COL14A1: variants seen among roughly 807,000 people sequenced by gnomAD.
COL14A1 encodes collagen type XIV alpha 1 chain.
Under a neutral mutation model 230.3 loss-of-function variants are expected in COL14A1, and 136 were observed. The ratio of observed to expected loss-of-function variants is 0.59; its 90% CI spans 0.51 to 0.68. COL14A1 has a LOEUF of 0.68. Among genes scored for constraint, COL14A1 ranks in the 30% least tolerant of loss-of-function variants. The probability of loss-of-function intolerance (pLI) is 0.00; values close to 1 mark genes in which losing one functional copy is unlikely to be tolerated. For synonymous variants in COL14A1, 792 were observed against 784.1 expected, an observed-to-expected ratio of 1.01 and a Z score of -0.17; for missense variants, 1,976 against 2,215.8, an observed-to-expected ratio of 0.89 and a Z score of 2.17.
intron 1 of COL14A1, among the ~76,000 whole-genome samples, chr8:120,134,014 AC>A (rs1422992871): frequency 6.6e-6 from 1 of 152,084 alleles, no homozygotes; most frequent in Non-Finnish European, 1.5e-5. Context: ...AGGAAATAAA[AC>A]ATATATGTAT....
chr8:120,164,901 A>G (rs1815811998), intron 4 of COL14A1, among the ~76,000 whole-genome samples: 1 of 152,252 alleles, frequency 6.6e-6, no homozygotes. Context: ...TATTTCAAAC[A>G]TTCCACTGAT....
At chr8:120,260,579 C>G (rs1013792333) in intron 23 of COL14A1, among the ~76,000 whole-genome samples, 1 of 152,170 alleles carries the variant, frequency 6.6e-6, no homozygotes, top group East Asian at 1.9e-4. Flanking sequence ...AGAAATAAAG[C>G]GTTATGAGGC....
At chr8:120,292,013 A>G (rs1820391032) in intron 34 of COL14A1, among the ~76,000 whole-genome samples, 3 of 152,148 alleles carry the variant, frequency 2.0e-5, no homozygotes, top group Admixed American at 6.6e-5. Context: ...TTCAAATTGT[A>G]TTATATCTTT....
At position 120,165,904 on chromosome 8, in the gene COL14A1, G is replaced by A. The variant is rs187940420; in HGVS notation, c.350-2257G>A. Among the ~76,000 whole-genome samples the A allele has an allele frequency of 3.9e-5, 6 of 152,274 alleles. No homozygotes were observed. In the East Asian group the frequency reaches 1.2e-3, roughly 29 times the overall value. On this transcript the variant is annotated intron_variant, in intron 4 of 47. Transcript: ENST00000297848. The stretch of plus-strand genomic sequence containing the variant: ...ACCCATAAGCCAAGGTCTTTAATGG[G>A]GTCCAGGGCATTATCCCTGGGTTTC...
chr8:120,343,054 G>T (rs372457055), intron 44 of COL14A1, among the ~76,000 whole-genome samples: 2 of 152,232 alleles, frequency 1.3e-5, no homozygotes, highest in South Asian at 4.1e-4. Context: ...TTGATATGAC[G>T]CCTGTCCCAT....
chr8:120,244,025 C>T lies in COL14A1; in HGVS notation c.2479+17C>T. On this transcript the variant is annotated intron_variant, in intron 20 of 47. Coordinates refer to ENST00000297848, the MANE Select transcript of COL14A1 (RefSeq NM_021110.4). ...GAAAAACCTGTAAGTGAAGCTTTCTCCCTTTGAATACAAGCCGACTCATTA... is the reference window on the plus strand; with the variant it reads ...GAAAAACCTGTAAGTGAAGCTTTCTTCCTTTGAATACAAGCCGACTCATTA... 1 of 1,607,874 alleles carries T rather than the reference C, an allele frequency of 6.2e-7. No individual in the cohort carries two copies.
intron 29 of COL14A1, 47 bp from the exon 30 acceptor site, chr8:120,280,664 G>A: frequency 6.3e-7 from 1 of 1,579,992 alleles, no homozygotes; most frequent in Non-Finnish European, 8.7e-7. Context: ...GAGTATGTTT[G>A]TGAAATATCC....
chr8:120,130,586 A>G (rs1401415458), intron 1 of COL14A1, among the ~76,000 whole-genome samples: 1 of 152,228 alleles, frequency 6.6e-6, no homozygotes, highest in Non-Finnish European at 1.5e-5. Flanking sequence ...AGCAAAATAA[A>G]GAAAGCCTAC....
chr8:120,365,553 A>G (rs987478518), intron 45 of COL14A1, among the ~76,000 whole-genome samples: 2 of 152,232 alleles, frequency 1.3e-5, no homozygotes, highest in Non-Finnish European at 2.9e-5. Flanking sequence ...ATTAGCTACT[A>G]AACTAATGCC....
chr8:120,236,744 A>C (rs1324548079), intron 19 of COL14A1, among the ~76,000 whole-genome samples: 1 of 152,144 alleles, frequency 6.6e-6, no homozygotes. Flanking sequence ...ATGTTTTTGC[A>C]GTGGCTGGTA....
rs1259038993 is a variant in COL14A1, at chr8:120,315,464, A to G, written c.4552-69A>G. The stretch of plus-strand genomic sequence containing the variant: ...TACTGTGGAAACTATTTAAATAATG[A>G]GAGAAGGAAAAGAAAACGCTAAGAA... On this transcript the variant is annotated intron_variant, in intron 38 of 47. Transcript: ENST00000297848. 2.5e-6 allele frequency: 3 copies of G among 1,212,752 alleles called. No homozygotes were observed. In the East Asian group the frequency reaches 7.1e-5, roughly 29 times the overall value. 75.1% of individuals were successfully genotyped at this position (1,212,752 alleles called of 1,614,324 possible). A position where few individuals can be genotyped will look rare whatever the true frequency, so the allele number is the denominator to read the frequency against.
intron 13 of COL14A1, among the ~76,000 whole-genome samples, chr8:120,213,010 G>C (rs1212563685): frequency 6.6e-6 from 1 of 152,096 alleles, no homozygotes; most frequent in Non-Finnish European, 1.5e-5. Flanking sequence ...AAATACAGTA[G>C]TATATGTGAA....
intron 2 of COL14A1, among the ~76,000 whole-genome samples, chr8:120,149,655 G>C (rs1299589064): frequency 2.0e-5 from 3 of 151,536 alleles, no homozygotes; most frequent in Non-Finnish European, 4.4e-5. Flanking sequence ...CTGTCTACCA[G>C]ATGAATATTG....
At chr8:120,260,216 TA>T (rs1363345906) in intron 23 of COL14A1, among the ~76,000 whole-genome samples, 2 of 152,132 alleles carry the variant, frequency 1.3e-5, no homozygotes, top group Admixed American at 1.3e-4. Context: ...TTTATATTTT[TA>T]AAAGTCTATA....
intron 47 of COL14A1, 181 bp from the exon 48 acceptor site, chr8:120,370,971 C>T (rs1012118577): frequency 1.8e-5 from 19 of 1,075,300 alleles, no homozygotes; most frequent in East Asian, 1.0e-4. Context: ...TCTTTCCCTT[C>T]GTCTATTTAC....
At chr8:120,158,310 C>A in intron 3 of COL14A1, 64 bp downstream of exon 3, 1 of 889,862 alleles carries the variant, frequency 1.1e-6, no homozygotes, top group Non-Finnish European at 1.9e-6. Context: ...CAACTAAAAA[C>A]ATGTAGTGCC....
intron 43 of COL14A1, 130 bp downstream of exon 43, chr8:120,341,490 T>C: frequency 3.0e-6 from 3 of 1,004,230 alleles, no homozygotes; most frequent in Non-Finnish European, 4.4e-6. Context: ...GTTTCTCCCT[T>C]TCCCCAATTC....
intron 12 of COL14A1, 89 bp from the exon 13 acceptor site, chr8:120,212,359 C>G (rs1817636432): frequency 7.4e-7 from 1 of 1,350,062 alleles, no homozygotes; most frequent in African/African-American, 1.4e-5. Flanking sequence ...AAGTCTTATC[C>G]CATGAAGTCT....
chr8:120,247,848 G>A, intron 21 of COL14A1, 113 bp downstream of exon 21: 2 of 1,304,340 alleles, frequency 1.5e-6, no homozygotes. Context: ...TTTTAAAGAA[G>A]TAGGGAGAAC....
Sources: allele counts gnomAD v4.1 joint callset (sites outside exome capture counted in the v4.1 genomes callset), GRCh38; gene constraint gnomAD v4.1.1; transcripts MANE v1.5; gene names NCBI Gene and HGNC (gene_info 2026-07-23, HGNC 2026-07-21).